Variants in TMEM150C observed in about 807,000 individuals in gnomAD.
The protein encoded by TMEM150C is transmembrane protein 150C, also known as tentonin 3.
A neutral mutation model predicts 29.9 loss-of-function variants in TMEM150C; 10 were observed. The ratio of observed to expected loss-of-function variants is 0.33; its 90% CI spans 0.21 to 0.57. The LOEUF is 0.57. TMEM150C is among the 20% of genes least tolerant of loss of function. The pLI is 0.88. For missense variants in TMEM150C, 251 were observed against 303.6 expected (o/e 0.83, Z 1.29); for synonymous variants, 101 against 112.5 (o/e 0.90, Z 0.64).
rs960594515 is a variant in TMEM150C, at chr4:82,483,560, T to C, written c.*1951A>G. On this transcript the variant is annotated 3_prime_UTR_variant, in exon 8 of 8. Coordinates refer to ENST00000449862, the MANE Select transcript of TMEM150C (RefSeq NM_001080506.3). Reference sequence around the variant, plus strand: ...ATTCATAACTTCTTCCATTCCTGTCTCACATGAAACAGCCATCTTCCATGC... The same window carrying C: ...ATTCATAACTTCTTCCATTCCTGTCCCACATGAAACAGCCATCTTCCATGC... 2 of 152,140 alleles carry C rather than the reference T, an allele frequency of 1.3e-5. No homozygotes were observed. Among genetic ancestry groups the C allele is most frequent in the Admixed American group, 6.5e-5 (1 of 15,270 alleles). The allele number at this position is 152,140 out of a possible 1,614,324, so 9.4% of individuals were successfully genotyped here. A position where few individuals can be genotyped will look rare whatever the true frequency, so the allele number is the denominator to read the frequency against.
chr4:82,560,334 T>C (rs1436914333), intron 1 of TMEM150C, among the ~76,000 whole-genome samples: 1 of 152,220 alleles, frequency 6.6e-6, no homozygotes, highest in Non-Finnish European at 1.5e-5. Flanking sequence ...TGTCATAACA[T>C]CTATCAACTA....
intron 1 of TMEM150C, among the ~76,000 whole-genome samples, chr4:82,560,194 A>G (rs915585547): frequency 6.6e-6 from 1 of 152,238 alleles, no homozygotes; most frequent in Non-Finnish European, 1.5e-5. Flanking sequence ...TAAGAAATGC[A>G]TGAATTAAGC....
chr4:82,506,735 CTATT>C (rs1483340894), intron 1 of TMEM150C, among the ~76,000 whole-genome samples: 1 of 152,194 alleles, frequency 6.6e-6, no homozygotes, highest in Non-Finnish European at 1.5e-5. Flanking sequence ...TAGTGAGTCT[CTATT>C]CATTTATTTA....
chr4:82,495,532 C>A, intron 6 of TMEM150C: 1 of 355,786 alleles, frequency 2.8e-6, no homozygotes, highest in Non-Finnish European at 5.6e-6. Context: ...AGCCTTCTCT[C>A]TTTTTTTTCA....
At chr4:82,512,267 A>T (rs773956587) in intron 1 of TMEM150C, among the ~76,000 whole-genome samples, 5 of 152,132 alleles carry the variant, frequency 3.3e-5, no homozygotes, top group East Asian at 1.9e-4. Flanking sequence ...ACAAAAAAAC[A>T]TGAGGACCCA....
chr4:82,530,318 G>A (rs1176699675), intron 1 of TMEM150C, among the ~76,000 whole-genome samples: 1 of 152,112 alleles, frequency 6.6e-6, no homozygotes, highest in Admixed American at 6.5e-5. Context: ...AGCACTTTGG[G>A]AGGCAGAGGC....
intron 1 of TMEM150C, among the ~76,000 whole-genome samples, chr4:82,534,866 A>G (rs1174846588): frequency 6.6e-6 from 1 of 152,258 alleles, no homozygotes; most frequent in Non-Finnish European, 1.5e-5. Flanking sequence ...GTTAAAGTGT[A>G]TAATACACTT....
At chr4:82,529,741 T>TC (rs1724776406) in intron 1 of TMEM150C, among the ~76,000 whole-genome samples, 1 of 152,048 alleles carries the variant, frequency 6.6e-6, no homozygotes, top group Non-Finnish European at 1.5e-5. Flanking sequence ...GACTTCCCAC[T>TC]GCAATGATGT....
intron 1 of TMEM150C, among the ~76,000 whole-genome samples, chr4:82,523,221 AGAGGGATGGGG>A (rs927538765): frequency 1.3e-5 from 2 of 152,154 alleles, no homozygotes; most frequent in African/African-American, 2.4e-5. Flanking sequence ...GTACACAGCC[AGAGGGATGGGG>A]GCGGGGGGGT....
chr4:82,492,864 GTA>G (rs58169287), intron 6 of TMEM150C, among the ~76,000 whole-genome samples: 4,372 of 90,160 alleles, frequency 0.048, 210 homozygotes, highest in South Asian at 0.13. Context: ...ATATGTTTGT[GTA>G]TATATATATA....
chr4:82,545,734 A>G (rs1448141191), intron 1 of TMEM150C, among the ~76,000 whole-genome samples: 2 of 152,184 alleles, frequency 1.3e-5, no homozygotes, highest in African/African-American at 4.8e-5. Flanking sequence ...GTTTGAGAAC[A>G]GCCTGGCCAA....
In TMEM150C at chr4:82,559,486, C is replaced by T. The variant is rs1203815855; in HGVS notation, c.-11+2420G>A. On this transcript the variant is annotated intron_variant, in intron 1 of 7. Transcript: ENST00000449862. Reference sequence around the variant, plus strand: ...AGGAGAATCGCTTGAACCCAAGAGGCGGAGGTTGCAGTGAGCTGAGATTGT... The same window carrying T: ...AGGAGAATCGCTTGAACCCAAGAGGTGGAGGTTGCAGTGAGCTGAGATTGT... Among the ~76,000 whole-genome samples the T allele has an allele frequency of 2.0e-5, 3 of 152,074 alleles. No homozygotes were observed. In the East Asian group the frequency reaches 5.8e-4, roughly 29 times the overall value.
intron 7 of TMEM150C, among the ~76,000 whole-genome samples, chr4:82,488,353 C>T (rs916684336): frequency 6.6e-6 from 1 of 152,208 alleles, no homozygotes; most frequent in African/African-American, 2.4e-5. Flanking sequence ...CGATCCACCA[C>T]GCATTATCTG....
chr4:82,561,827 G>A, intron 1 of TMEM150C, 79 bp downstream of exon 1: 5 of 950,866 alleles, frequency 5.3e-6, no homozygotes, highest in Non-Finnish European at 6.2e-6. Flanking sequence ...GTCTCCGCCT[G>A]CGGGCTGCGC....
intron 1 of TMEM150C, among the ~76,000 whole-genome samples, chr4:82,558,919 C>T (rs1299463078): frequency 2.6e-5 from 4 of 152,130 alleles, no homozygotes; most frequent in African/African-American, 9.7e-5. Context: ...TGATGACATT[C>T]CATCATTGTG....
At chr4:82,517,116 G>A (rs1451046790) in intron 1 of TMEM150C, among the ~76,000 whole-genome samples, 3 of 152,198 alleles carry the variant, frequency 2.0e-5, no homozygotes, top group African/African-American at 7.2e-5. Flanking sequence ...GTGACCCAAT[G>A]TAGTTTCTCA....
chr4:82,543,073 C>T (rs1295532942), intron 1 of TMEM150C, among the ~76,000 whole-genome samples: 1 of 152,180 alleles, frequency 6.6e-6, no homozygotes, highest in African/African-American at 2.4e-5. Flanking sequence ...TCCACTTTTA[C>T]AGATGCACAA....
chr4:82,511,647 T>C (rs146144146), intron 1 of TMEM150C, among the ~76,000 whole-genome samples: 103 of 152,144 alleles, frequency 6.8e-4, no homozygotes, highest in African/African-American at 2.3e-3. Context: ...AGCTAATTTT[T>C]GTAGAGACAG....
chr4:82,495,682 C>T (rs1723532332), intron 6 of TMEM150C: 2 of 292,180 alleles, frequency 6.8e-6, no homozygotes, highest in Non-Finnish European at 1.4e-5. Flanking sequence ...GGTCAAGATA[C>T]CCTGCTTGTT....
Sources: allele counts gnomAD v4.1 joint callset (sites outside exome capture counted in the v4.1 genomes callset), GRCh38; gene constraint gnomAD v4.1.1; transcripts MANE v1.5; gene names NCBI Gene and HGNC (gene_info 2026-07-23, HGNC 2026-07-21).